Variants in SPTBN4 observed in about 807,000 individuals in gnomAD.
SPTBN4 encodes spectrin beta, non-erythrocytic 4, also known as spectrin beta chain, non-erythrocytic 4.
A neutral mutation model predicts 277.8 loss-of-function variants in SPTBN4; 96 were observed. The observed-to-expected ratio is 0.35, with a 90% CI of 0.29 to 0.41. The LOEUF (loss-of-function observed/expected upper bound fraction) is 0.41, where lower values mean the gene tolerates loss of function less well. Ranked by LOEUF, SPTBN4 falls within the 10% of genes least tolerant of loss-of-function variation. The probability of loss-of-function intolerance (pLI) is 1.00; values close to 1 mark genes in which losing one functional copy is unlikely to be tolerated. For missense variants in SPTBN4, 3,006 were observed against 3,595.7 expected, an observed-to-expected ratio of 0.84 and a Z score of 4.19; for synonymous variants, 1,481 against 1,580.3, an observed-to-expected ratio of 0.94 and a Z score of 1.49.
intron 11 of SPTBN4, among the ~76,000 whole-genome samples, chr19:40,503,585 T>C (rs1384152510): frequency 2.6e-5 from 1 of 37,848 alleles, no homozygotes; most frequent in African/African-American, 1.0e-4. Context: ...CAACAGGGGA[T>C]GGGGGGTTGG....
intron 20 of SPTBN4, among the ~76,000 whole-genome samples, chr19:40,545,584 T>G (rs1340755790): frequency 1.3e-5 from 2 of 152,134 alleles, no homozygotes; most frequent in Non-Finnish European, 2.9e-5. Flanking sequence ...ACTATAAGTC[T>G]TTTACATTTT....
Position 40,490,573 on chromosome 19 carries a change from G to C in SPTBN4, c.495+325G>C, listed in dbSNP as rs1370782284. On this transcript the variant is annotated intron_variant, in intron 4 of 35. Transcript: ENST00000598249. The surrounding 1 kb of genome is among the most constrained non-coding windows in gnomAD (Gnocchi z 4.3). ...CAGATAGGTGGTGTCATCTGCCCAA[G>C]ATCACATATACCTGGGTGTTGGAGC... Among the ~76,000 whole-genome samples the C allele has an allele frequency of 6.6e-6, 1 of 152,144 alleles. No individual in the cohort carries two copies. Among genetic ancestry groups the C allele is most frequent in the African/African-American group, 2.4e-5 (1 of 41,438 alleles).
chr19:40,523,758 C>A, intron 17 of SPTBN4, 119 bp downstream of exon 17: 1 of 936,288 alleles, frequency 1.1e-6, no homozygotes, highest in Non-Finnish European at 1.6e-6. Flanking sequence ...TTCTCTGGGG[C>A]TCTTTCCTAT....
chr19:40,494,408 ATACCTCTCTCC>A (rs1408228011), intron 5 of SPTBN4, among the ~76,000 whole-genome samples: 2 of 140,214 alleles, frequency 1.4e-5, no homozygotes, highest in African/African-American at 5.3e-5. Flanking sequence ...CCCTGTCTTG[ATACCTCTCTCC>A]TTCCTCTCTC....
Position 40,512,625 on chromosome 19 carries a change from G to T in SPTBN4, c.1836G>T (p.Pro612=), listed in dbSNP as rs762543447. The T allele has an allele frequency of 6.5e-7, 1 of 1,539,926 alleles. No homozygotes were observed. Among genetic ancestry groups the T allele is most frequent in the African/African-American group, 1.4e-5 (1 of 71,842 alleles). The change falls in exon 14 of 36, where the codon CCG becomes CCT. Residue 612 remains proline (P), a synonymous_variant. Coordinates refer to ENST00000598249, the MANE Select transcript of SPTBN4 (RefSeq NM_020971.3). ...GCTCAGGCTACCAGCCCTGCGACCCGCAGGTCATCTGCAACCGCGTGAACC... is the reference window on the plus strand; with the variant it reads ...GCTCAGGCTACCAGCCCTGCGACCCTCAGGTCATCTGCAACCGCGTGAACC... ...SQLQGYQPCD[P]QVICNRVNHV... is the part of the protein sequence containing the mutation.
At chr19:40,513,905 T>C (rs73050103) in intron 14 of SPTBN4, among the ~76,000 whole-genome samples, 31,780 of 151,808 alleles carry the variant, frequency 0.21, 3,891 homozygotes, top group Non-Finnish European at 0.28. Context: ...CAACGACCTA[T>C]GCTTCTACAG....
rs1431308802 is a variant in SPTBN4 at position 40,560,956 on chromosome 19, A to G, written c.5915+553A>G. Among the ~76,000 whole-genome samples, 1 of 152,134 alleles carries G rather than the reference A, an allele frequency of 6.6e-6. No individual in the cohort carries two copies. The highest frequency in any genetic ancestry group is 2.4e-5 in the African/African-American group (1 of 41,440). On this transcript the variant is annotated intron_variant, in intron 27 of 35. Transcript: ENST00000598249. This position sits in a 1 kb window ranked among gnomAD's most constrained non-coding sequence, Gnocchi z 5.2. ...GGATCACACAGAAGGTTTTAGGGAT[A>G]AAGCCGGCACCCACACACTGCCAGC...
At chr19:40,526,311 A>G (rs2080591451) in intron 17 of SPTBN4, among the ~76,000 whole-genome samples, 1 of 151,474 alleles carries the variant, frequency 6.6e-6, no homozygotes. Flanking sequence ...TACTGGGATC[A>G]CAGGAAAGAG....
chr19:40,523,640 G>T lies in SPTBN4; in HGVS notation c.3857+1G>T. The stretch of plus-strand genomic sequence containing the variant: ...AGGCTGTGACCCGGCTGCTGGAGAA[G>T]TAGGTCCCCTAGACCCATCCACCCC... On this transcript the variant is annotated splice_donor_variant, in intron 17 of 35. Coordinates refer to ENST00000598249, the MANE Select transcript of SPTBN4 (RefSeq NM_020971.3). LOFTEE classifies it high-confidence loss of function. 6.2e-7 allele frequency: 1 copy of T among 1,609,142 alleles called. No homozygotes were observed. Among genetic ancestry groups the T allele is most frequent in the Non-Finnish European group, 8.5e-7 (1 of 1,177,146 alleles).
At position 40,554,040 on chromosome 19, in the gene SPTBN4, G is replaced by T. The variant is rs1187085243; in HGVS notation, c.4675-107G>T. ...GGCACGTGGTTAGCGAGCTGGGGGT[G>T]CTTGTTAATTGCCCCGTGGGCCGTG... On this transcript the variant is annotated intron_variant, in intron 22 of 35. Coordinates refer to ENST00000598249, the MANE Select transcript of SPTBN4 (RefSeq NM_020971.3). This position sits in a 1 kb window ranked among gnomAD's most constrained non-coding sequence, Gnocchi z 5.7. 18 of 1,159,856 alleles carry T rather than the reference G, an allele frequency of 1.6e-5. No homozygotes were observed. The highest frequency in any genetic ancestry group is 3.8e-5 in the Admixed American group (1 of 26,528). The allele number at this position is 1,159,856 out of a possible 1,614,324, so 71.8% of individuals were successfully genotyped here.
intron 20 of SPTBN4, among the ~76,000 whole-genome samples, chr19:40,537,564 C>T (rs1195142802): frequency 6.6e-6 from 1 of 152,196 alleles, no homozygotes; most frequent in East Asian, 1.9e-4. Flanking sequence ...TGCTGATGTA[C>T]ACAATGTGCT....
In SPTBN4 at chr19:40,479,775, A is replaced by T. The variant is rs1030421096; in HGVS notation, c.169+6985A>T. Among the ~76,000 whole-genome samples the T allele has an allele frequency of 2.0e-5, 3 of 149,968 alleles. No individual in the cohort carries two copies. In the East Asian group the frequency reaches 5.9e-4, roughly 29 times the overall value. Reference sequence around the variant, plus strand: ...AATCATGCCAATATTTCCACAAATGAGTACTCTCTTGTAACCAGCACCCAT... The same window carrying T: ...AATCATGCCAATATTTCCACAAATGTGTACTCTCTTGTAACCAGCACCCAT... On this transcript the variant is annotated intron_variant, in intron 2 of 35. Transcript: ENST00000598249.
chr19:40,518,626 G>A (rs1246885942), intron 15 of SPTBN4, among the ~76,000 whole-genome samples: 1 of 152,054 alleles, frequency 6.6e-6, no homozygotes, highest in Non-Finnish European at 1.5e-5. Flanking sequence ...GTCTCACCAT[G>A]TTGCCCAGGC....
chr19:40,549,776 T>C (rs2080897400), intron 21 of SPTBN4, among the ~76,000 whole-genome samples: 1 of 152,202 alleles, frequency 6.6e-6, no homozygotes, highest in Non-Finnish European at 1.5e-5. Context: ...AGCCCTGTGT[T>C]TGGATGATAG....
At chr19:40,549,712 T>A (rs1295622326) in intron 21 of SPTBN4, among the ~76,000 whole-genome samples, 1 of 152,216 alleles carries the variant, frequency 6.6e-6, no homozygotes, top group Non-Finnish European at 1.5e-5. Context: ...ATTCCATCAC[T>A]CAATTTCCTG....
rs200136187 is a variant in SPTBN4 at position 40,483,442 on chromosome 19, T to TA, written c.170-4247dup. ...CACTAAAATTAAAAATACAATTTTT[T>TA]AAAAAAAATATTGCTTCTTACTCTA... On this transcript the variant is annotated intron_variant, in intron 2 of 35. Transcript: ENST00000598249. Among the ~76,000 whole-genome samples, 139 of 152,148 alleles carry TA rather than the reference T, an allele frequency of 9.1e-4. 1 individual carries two copies. The highest frequency in any genetic ancestry group is 2.9e-3 in the African/African-American group (122 of 41,520).
At chr19:40,549,443 G>T in intron 21 of SPTBN4, 30 bp downstream of exon 21, 1 of 1,274,282 alleles carries the variant, frequency 7.8e-7, no homozygotes, top group South Asian at 1.6e-5. Flanking sequence ...CTGGGGCGGG[G>T]CGGGGCGGGG....
intron 11 of SPTBN4, among the ~76,000 whole-genome samples, 183 bp from the exon 12 acceptor site, chr19:40,503,647 G>A (rs2080288788): frequency 6.6e-6 from 1 of 151,602 alleles, no homozygotes; most frequent in Non-Finnish European, 1.5e-5. Context: ...AACAATGGAG[G>A]GTGGGGCTGG....
chr19:40,553,557 TAAAAA>T (rs2080942086), intron 22 of SPTBN4, among the ~76,000 whole-genome samples: 1 of 152,006 alleles, frequency 6.6e-6, no homozygotes, highest in Non-Finnish European at 1.5e-5. Context: ...CACAAAAAGT[TAAAAA>T]AGACTCACAA....
Sources: allele counts gnomAD v4.1 joint callset (sites outside exome capture counted in the v4.1 genomes callset), GRCh38; gene constraint gnomAD v4.1.1; non-coding constraint Gnocchi (gnomAD v3.1); transcripts MANE v1.5; gene names NCBI Gene and HGNC (gene_info 2026-07-23, HGNC 2026-07-21).